QNG1: variants seen among roughly 807,000 people sequenced by gnomAD.
QNG1 encodes Q-nucleotide N-glycosylase 1.
chr9:83,946,431 T>C, the QNG1 span, among the ~76,000 whole-genome samples: 1 of 152,240 alleles, frequency 6.6e-6, no homozygotes, highest in Non-Finnish European at 1.5e-5. Flanking sequence ...TAACTTATTT[T>C]ATGAAGACAT....
the QNG1 span, chr9:83,953,748 C>T: frequency 6.6e-7 from 1 of 1,504,310 alleles, no homozygotes; most frequent in Admixed American, 2.0e-5. Flanking sequence ...ACCTCCCCCT[C>T]CCAGGTTCAA....
the QNG1 span, among the ~76,000 whole-genome samples, chr9:83,954,054 C>T: frequency 2.0e-5 from 3 of 151,906 alleles, no homozygotes; most frequent in South Asian, 6.2e-4. Flanking sequence ...GCAACCATAC[C>T]CAGCTAATTT....
At chr9:83,955,496 T>C in the QNG1 span, 4 of 1,614,004 alleles carry the variant, frequency 2.5e-6, no homozygotes, top group Non-Finnish European at 2.5e-6. Context: ...TCCAAACTTC[T>C]CCAGCAGAAT....
chr9:83,954,208 T>A, the QNG1 span, among the ~76,000 whole-genome samples: 1 of 152,086 alleles, frequency 6.6e-6, no homozygotes, highest in Non-Finnish European at 1.5e-5. Flanking sequence ...ATACTTTTTA[T>A]TAGGGAGAGG....
the QNG1 span, chr9:83,956,660 G>C: frequency 1.8e-6 from 1 of 571,172 alleles, no homozygotes; most frequent in Non-Finnish European, 2.9e-6. Context: ...CCAAGGTAAA[G>C]GTTCTCTCCC....
At chr9:83,940,240 A>T in the QNG1 span, among the ~76,000 whole-genome samples, 3 of 152,128 alleles carry the variant, frequency 2.0e-5, no homozygotes, top group African/African-American at 7.2e-5. Context: ...CCCTGTCTCT[A>T]CAAAACATAC....
At chr9:83,938,485 C>G in the QNG1 span, 1 of 151,910 alleles carries the variant, frequency 6.6e-6, no homozygotes, top group Non-Finnish European at 1.5e-5. Flanking sequence ...ATTCATATAT[C>G]AAAAACCTCT....
chr9:83,939,727 A>G, the QNG1 span: 6 of 1,613,828 alleles, frequency 3.7e-6, no homozygotes, highest in Non-Finnish European at 5.1e-6. Context: ...GCCTGTCTCC[A>G]TATGAGAGCA....
At chr9:83,948,413 G>T in the QNG1 span, among the ~76,000 whole-genome samples, 3 of 150,312 alleles carry the variant, frequency 2.0e-5, no homozygotes, top group African/African-American at 7.4e-5. Context: ...CAGCCGCCCC[G>T]TCCGGGAGGG....
At chr9:83,946,733 A>G in the QNG1 span, among the ~76,000 whole-genome samples, 1 of 152,156 alleles carries the variant, frequency 6.6e-6, no homozygotes, top group Non-Finnish European at 1.5e-5. Flanking sequence ...AAACACGGCG[A>G]AACCCTGTCT....
the QNG1 span, among the ~76,000 whole-genome samples, chr9:83,941,684 G>A: frequency 3.4e-4 from 51 of 152,096 alleles, no homozygotes; most frequent in East Asian, 6.8e-3. Context: ...AGGCCAAGGC[G>A]GGTGGATCAC....
the QNG1 span, chr9:83,944,929 A>T: frequency 6.2e-7 from 1 of 1,614,038 alleles, no homozygotes; most frequent in Non-Finnish European, 8.5e-7. Flanking sequence ...TTTCCTTCCA[A>T]TACACTCCAC....
At chr9:83,941,916 A>G in the QNG1 span, among the ~76,000 whole-genome samples, 40,439 of 151,196 alleles carry the variant, frequency 0.27, 5,922 homozygotes, top group African/African-American at 0.39. Context: ...CAAAAAAAAA[A>G]AAGAAGAAAA....
At chr9:83,952,902 G>A in the QNG1 span, among the ~76,000 whole-genome samples, 2 of 151,302 alleles carry the variant, frequency 1.3e-5, no homozygotes, top group African/African-American at 4.9e-5. Flanking sequence ...GGAGGTTGCA[G>A]TGAGCAGAGA....
the QNG1 span, chr9:83,945,028 T>G: frequency 2.7e-6 from 4 of 1,474,954 alleles, no homozygotes; most frequent in Non-Finnish European, 3.7e-6. Flanking sequence ...TTTGAGTATC[T>G]GAAAGCTTTA....
At chr9:83,944,997 A>C in the QNG1 span, 2 of 1,589,906 alleles carry the variant, frequency 1.3e-6, no homozygotes, top group South Asian at 2.3e-5. Flanking sequence ...CCCCTGATGA[A>C]TGAAGAGAAT....
At chr9:83,938,683 A>G in the QNG1 span, 1 of 151,862 alleles carries the variant, frequency 6.6e-6, no homozygotes, top group Admixed American at 6.6e-5. Flanking sequence ...GGAAAAAAAA[A>G]AAACATAAGT....
the QNG1 span, among the ~76,000 whole-genome samples, chr9:83,951,900 T>A: frequency 6.6e-6 from 1 of 152,240 alleles, no homozygotes; most frequent in Non-Finnish European, 1.5e-5. Flanking sequence ...GTTAACTTTA[T>A]TAATCTGTTC....
At chr9:83,939,466 A>T in the QNG1 span, 1 of 1,266,638 alleles carries the variant, frequency 7.9e-7, no homozygotes, top group Non-Finnish European at 1.1e-6. Flanking sequence ...AGATGATATG[A>T]TATAAAACGC....
Sources: gnomAD v4.1 joint callset for allele counts (sites outside exome capture counted in the v4.1 genomes callset) on GRCh38, gnomAD v4.1.1 for gene constraint, MANE v1.5 for transcripts, NCBI Gene and HGNC (gene_info 2026-07-23, HGNC 2026-07-21) for gene names.